Variants in DLG2 observed in about 807,000 individuals in gnomAD.
The protein encoded by DLG2 is disks large homolog 2.
In DLG2, 45 loss-of-function variants were observed where a neutral mutation model predicts 132.5. The ratio of observed to expected loss-of-function variants is 0.34; its 90% CI spans 0.27 to 0.44. The LOEUF (loss-of-function observed/expected upper bound fraction) is 0.44, where lower values mean the gene tolerates loss of function less well. DLG2 is among the 20% of genes least tolerant of loss of function. DLG2 has a pLI of 1.00. For synonymous variants in DLG2, 424 were observed against 419.6 expected (o/e 1.01, Z -0.13); for missense variants, 1,045 against 1,196.9 (o/e 0.87, Z 1.87).
At chr11:85,052,277 T>C (rs573321128) in intron 6 of DLG2, among the ~76,000 whole-genome samples, 2 of 152,314 alleles carry the variant, frequency 1.3e-5, no homozygotes, top group East Asian at 3.9e-4. Context: ...TCATAGTCTA[T>C]TTCTAAATAA....
intron 6 of DLG2, among the ~76,000 whole-genome samples, chr11:84,601,732 A>T (rs1026593772): frequency 6.6e-6 from 1 of 152,128 alleles, no homozygotes; most frequent in African/African-American, 2.4e-5. Flanking sequence ...AAGTAAATTT[A>T]AAAAATATAT....
intron 11 of DLG2, among the ~76,000 whole-genome samples, chr11:84,014,139 A>T (rs558929894): frequency 6.6e-6 from 1 of 151,938 alleles, no homozygotes; most frequent in South Asian, 2.1e-4. Context: ...CTTGTTAATT[A>T]TGTCAGCTGC....
chr11:85,458,896 G>A (rs1480305064), intron 3 of DLG2, among the ~76,000 whole-genome samples: 1 of 152,198 alleles, frequency 6.6e-6, no homozygotes, highest in African/African-American at 2.4e-5. Flanking sequence ...GGGCAGAAGG[G>A]GAAGGGATCT....
At chr11:84,276,617 G>A (rs1366757486) in intron 7 of DLG2, among the ~76,000 whole-genome samples, 1 of 152,126 alleles carries the variant, frequency 6.6e-6, no homozygotes, top group African/African-American at 2.4e-5. Flanking sequence ...CTGTTAGCAC[G>A]ATGCTTGATA....
intron 7 of DLG2, among the ~76,000 whole-genome samples, chr11:84,264,032 C>T (rs1030763148): frequency 4.6e-5 from 7 of 152,218 alleles, no homozygotes; most frequent in South Asian, 4.1e-4. Flanking sequence ...CTCCCCTCAA[C>T]CCATTTTTCT....
At chr11:84,874,629 A>G (rs1045516208) in intron 6 of DLG2, among the ~76,000 whole-genome samples, 1 of 152,220 alleles carries the variant, frequency 6.6e-6, no homozygotes, top group Admixed American at 6.5e-5. Context: ...TTGGCATGGA[A>G]TAAGAATTGA....
intron 7 of DLG2, among the ~76,000 whole-genome samples, chr11:84,518,573 C>T (rs1565172349): frequency 6.6e-6 from 1 of 152,084 alleles, no homozygotes; most frequent in South Asian, 2.1e-4. Context: ...AAGTATGATG[C>T]GTGCCTCGGA....
rs139606569 is a variant in DLG2, at chr11:83,842,633, G to T, written c.1566-8863C>A. Among the ~76,000 whole-genome samples, 1,358 of 151,266 alleles carry T rather than the reference G, an allele frequency of 9.0e-3. 22 individuals carry two copies. The highest frequency in any genetic ancestry group is 0.031 in the African/African-American group (1,268 of 41,202). Reference sequence around the variant, plus strand: ...CACGAGGTCAGGATATCGAGACCACGGTGAAAACCCGTCTCTACTAAAAAT... The same window carrying T: ...CACGAGGTCAGGATATCGAGACCACTGTGAAAACCCGTCTCTACTAAAAAT... On this transcript the variant is annotated intron_variant, in intron 16 of 27. Transcript: ENST00000376104.
At chr11:83,529,688 C>A (rs2095690333) in intron 21 of DLG2, among the ~76,000 whole-genome samples, 1 of 151,888 alleles carries the variant, frequency 6.6e-6, no homozygotes, top group African/African-American at 2.4e-5. Flanking sequence ...GTTTGACATC[C>A]CTGATGTAGT....
intron 3 of DLG2, among the ~76,000 whole-genome samples, chr11:85,359,164 A>G (rs949100258): frequency 6.6e-6 from 1 of 152,192 alleles, no homozygotes. Context: ...TCATGTCCCA[A>G]TGGGTGGAGT....
At chr11:84,170,681 C>T (rs181551202) in intron 8 of DLG2, among the ~76,000 whole-genome samples, 35 of 152,288 alleles carry the variant, frequency 2.3e-4, no homozygotes, top group Admixed American at 6.5e-4. Flanking sequence ...TCAGAATGTT[C>T]TACTGGAGAC....
intron 8 of DLG2, among the ~76,000 whole-genome samples, chr11:84,221,296 T>C (rs1458668016): frequency 1.3e-5 from 2 of 151,916 alleles, no homozygotes; most frequent in East Asian, 1.9e-4. Flanking sequence ...AAACCCCATC[T>C]ATACTAAAAA....
intron 3 of DLG2, among the ~76,000 whole-genome samples, chr11:85,291,669 C>G (rs2078902592): frequency 6.6e-6 from 1 of 151,372 alleles, no homozygotes; most frequent in African/African-American, 2.4e-5. Context: ...ACTGCAATCT[C>G]CGCCTCCAGG....
At chr11:83,706,129 A>C (rs1311421109) in intron 18 of DLG2, among the ~76,000 whole-genome samples, 1 of 151,900 alleles carries the variant, frequency 6.6e-6, no homozygotes, top group African/African-American at 2.4e-5. Context: ...GAGGCAGGAG[A>C]ATCGCTTGAA....
At chr11:83,461,942 G>A (rs1451517862) in intron 27 of DLG2, 60 bp downstream of exon 27, 1 of 1,185,490 alleles carries the variant, frequency 8.4e-7, no homozygotes. Context: ...AACCCTCTCT[G>A]TGCCAAATGT....
intron 7 of DLG2, among the ~76,000 whole-genome samples, chr11:84,411,625 G>A (rs1267105418): frequency 6.6e-6 from 1 of 152,056 alleles, no homozygotes; most frequent in Non-Finnish European, 1.5e-5. Flanking sequence ...GAGGTGGATG[G>A]TAGTAAGCTA....
chr11:84,651,439 G>C (rs2099681943), intron 6 of DLG2, among the ~76,000 whole-genome samples: 1 of 152,140 alleles, frequency 6.6e-6, no homozygotes, highest in Admixed American at 6.5e-5. Context: ...AAGATGTTCA[G>C]ATCCAGATCC....
At chr11:85,426,870 A>C (rs1181890051) in intron 3 of DLG2, among the ~76,000 whole-genome samples, 4 of 152,188 alleles carry the variant, frequency 2.6e-5, no homozygotes, top group Non-Finnish European at 5.9e-5. Flanking sequence ...AAGTAGTTAA[A>C]AACCTTGAAA....
chr11:85,554,499 C>G (rs767934433), intron 3 of DLG2, among the ~76,000 whole-genome samples: 1 of 151,838 alleles, frequency 6.6e-6, no homozygotes, highest in Non-Finnish European at 1.5e-5. Context: ...ACATCACAAG[C>G]TGGCTGTCCT....
Sources: gnomAD v4.1 joint callset for allele counts (sites outside exome capture counted in the v4.1 genomes callset) on GRCh38, gnomAD v4.1.1 for gene constraint, MANE v1.5 for transcripts, NCBI Gene and HGNC (gene_info 2026-07-23, HGNC 2026-07-21) for gene names.